Variants in OXR1 observed in about 807,000 individuals in gnomAD.
The protein encoded by OXR1 is oxidation resistance 1, also known as oxidation resistance protein 1.
A neutral mutation model predicts 104.6 loss-of-function variants in OXR1; 41 were observed. That is an observed-to-expected ratio of 0.39 (90% CI 0.31 to 0.51). OXR1 has a LOEUF of 0.51. OXR1 is among the 20% of genes least tolerant of loss of function. The pLI, the probability that OXR1 is intolerant of heterozygous loss-of-function variation, is 0.77. For missense variants in OXR1, 955 were observed against 1,031.9 expected (o/e 0.93, Z 1.02); for synonymous variants, 348 against 348.4 (o/e 1.00, Z 0.01).
At chr8:106,596,547 C>T (rs1288868036) in intron 3 of OXR1, among the ~76,000 whole-genome samples, 1 of 152,004 alleles carries the variant, frequency 6.6e-6, no homozygotes, top group East Asian at 1.9e-4. Flanking sequence ...CAAATGAGTG[C>T]AATGGAAGAA....
At chr8:106,355,597 C>T (rs1470542879) in intron 1 of OXR1, among the ~76,000 whole-genome samples, 1 of 151,802 alleles carries the variant, frequency 6.6e-6, no homozygotes, top group Non-Finnish European at 1.5e-5. Context: ...GATGATATAA[C>T]AACAAAATGA....
chr8:106,733,825 C>CAA (rs35750112), intron 11 of OXR1, among the ~76,000 whole-genome samples: 2 of 96,146 alleles, frequency 2.1e-5, no homozygotes, highest in Non-Finnish European at 4.2e-5. Flanking sequence ...GACTCCGTCT[C>CAA]AAAAAAAAAA....
chr8:106,717,399 G>A (rs1236624505), intron 11 of OXR1, among the ~76,000 whole-genome samples: 1 of 151,964 alleles, frequency 6.6e-6, no homozygotes, highest in Non-Finnish European at 1.5e-5. Context: ...CTAGAATTTA[G>A]GATGAACTTG....
intron 1 of OXR1, among the ~76,000 whole-genome samples, chr8:106,301,172 C>A (rs970400042): frequency 6.6e-6 from 1 of 152,092 alleles, no homozygotes; most frequent in African/African-American, 2.4e-5. Context: ...AATGCATTAC[C>A]TGGAGCCAAA....
chr8:106,633,383 A>G (rs1822869282), intron 3 of OXR1, among the ~76,000 whole-genome samples: 1 of 152,226 alleles, frequency 6.6e-6, no homozygotes, highest in South Asian at 2.1e-4. Context: ...TTCAAAAGTT[A>G]TTGATTTTCA....
intron 2 of OXR1, among the ~76,000 whole-genome samples, chr8:106,375,856 G>A (rs117605596): frequency 2.6e-4 from 40 of 152,304 alleles, no homozygotes; most frequent in East Asian, 1.2e-3. Context: ...ATGCAGACAC[G>A]TTTTTAAAGA....
At position 106,748,441 on chromosome 8, in the gene OXR1, G is replaced by GT. The variant is rs374753555; in HGVS notation, c.2487-2358dup. On this transcript the variant is annotated intron_variant, in intron 16 of 16. Transcript: ENST00000517566. ...CGTCATCACTGGTTATCCCATTACA[G>GT]TTTTTTTGTACTGTCAACTCTCTTC... Among the ~76,000 whole-genome samples the GT allele has an allele frequency of 2.4e-3, 364 of 149,920 alleles. 1 individual carries two copies. The highest frequency in any genetic ancestry group is 7.9e-3 in the African/African-American group (322 of 40,722).
intron 2 of OXR1, among the ~76,000 whole-genome samples, chr8:106,456,248 C>T (rs1820589494): frequency 6.6e-6 from 1 of 152,302 alleles, no homozygotes; most frequent in South Asian, 2.1e-4. Context: ...TACTGTCTTT[C>T]TGTCCCTTAC....
chr8:106,443,274 T>A (rs1819867697), intron 2 of OXR1, among the ~76,000 whole-genome samples: 1 of 152,150 alleles, frequency 6.6e-6, no homozygotes, highest in Non-Finnish European at 1.5e-5. Context: ...AGAGACTGTT[T>A]ATTATAATTT....
intron 3 of OXR1, among the ~76,000 whole-genome samples, chr8:106,574,216 G>A (rs1163853661): frequency 1.3e-5 from 2 of 150,896 alleles, no homozygotes; most frequent in Non-Finnish European, 3.0e-5. Context: ...GCCCCAAAAT[G>A]TTTATTTTTG....
At chr8:106,534,767 T>C (rs1419771600) in intron 3 of OXR1, among the ~76,000 whole-genome samples, 4 of 152,232 alleles carry the variant, frequency 2.6e-5, no homozygotes, top group Non-Finnish European at 5.9e-5. Context: ...AATCTCTTAG[T>C]ACTGAATCTG....
intron 2 of OXR1, among the ~76,000 whole-genome samples, chr8:106,405,048 C>T (rs1818160580): frequency 1.3e-5 from 2 of 151,206 alleles, no homozygotes; most frequent in South Asian, 4.2e-4. Flanking sequence ...GTTGCCAGAT[C>T]AAACATGTAG....
At chr8:106,530,945 A>T (rs1814050780) in intron 3 of OXR1, among the ~76,000 whole-genome samples, 1 of 152,242 alleles carries the variant, frequency 6.6e-6, no homozygotes, top group African/African-American at 2.4e-5. Context: ...AATATGTACT[A>T]AGAGAAATTA....
rs573247816 is a variant in OXR1 at position 106,648,787 on chromosome 8, A to G, written c.221-30423A>G. On this transcript the variant is annotated intron_variant, in intron 3 of 16. Coordinates refer to ENST00000517566, the MANE Select transcript of OXR1 (RefSeq NM_001198533.2). ...TTAAATATTCTAGCAACTAACAACA[A>G]AAGGCTTTTTCAACAGATAATAATA... Among the ~76,000 whole-genome samples, 50 of 152,214 alleles carry G rather than the reference A, an allele frequency of 3.3e-4. 1 individual carries two copies. Among genetic ancestry groups the G allele is most frequent in the South Asian group, 1.2e-3 (6 of 4,830 alleles).
intron 2 of OXR1, among the ~76,000 whole-genome samples, chr8:106,384,655 C>T (rs1277804408): frequency 6.6e-6 from 1 of 151,922 alleles, no homozygotes; most frequent in East Asian, 1.9e-4. Context: ...TGGAAATTTC[C>T]AGTTATCTAG....
intron 4 of OXR1, chr8:106,682,426 C>T (rs1587072746): frequency 2.6e-5 from 4 of 151,976 alleles, no homozygotes; most frequent in Admixed American, 2.0e-4. Flanking sequence ...CGCCACCACA[C>T]TCTGCTCATT....
chr8:106,311,019 G>C (rs1285824648), intron 1 of OXR1, among the ~76,000 whole-genome samples: 3 of 152,090 alleles, frequency 2.0e-5, no homozygotes, highest in South Asian at 4.2e-4. Flanking sequence ...TTGGTTTTCT[G>C]TTTGACATTT....
rs556820654 is a variant in OXR1 at position 106,551,431 on chromosome 8, ATTT to A, written c.220+32293_220+32295del. 3.9e-4 allele frequency among the ~76,000 whole-genome samples: 59 copies of A among 152,266 alleles called. No homozygotes were observed. In the East Asian group the frequency reaches 0.01, roughly 26 times the overall value. ...AAAATATATAAACTTTTAATTAGCT[ATTT>A]ACTTTAGTATATGGTTCACTTTTTT... On this transcript the variant is annotated intron_variant, in intron 3 of 16. Coordinates refer to ENST00000517566, the MANE Select transcript of OXR1 (RefSeq NM_001198533.2).
intron 11 of OXR1, among the ~76,000 whole-genome samples, chr8:106,734,104 C>T (rs1036469337): frequency 5.9e-5 from 9 of 151,588 alleles, no homozygotes; most frequent in Non-Finnish European, 1.2e-4. Context: ...GATCCTTCCA[C>T]GCCACCAGGC....
Sources: allele counts gnomAD v4.1 joint callset (sites outside exome capture counted in the v4.1 genomes callset), GRCh38; gene constraint gnomAD v4.1.1; transcripts MANE v1.5; gene names NCBI Gene and HGNC (gene_info 2026-07-23, HGNC 2026-07-21).